ANXA8: variants seen among roughly 807,000 people sequenced by gnomAD.
The protein encoded by ANXA8 is VAC-beta.
ANXA8 carries 9 observed loss-of-function variants against 26.8 expected under a neutral mutation model. The ratio of observed to expected loss-of-function variants is 0.34; its 90% CI spans 0.20 to 0.59. The LOEUF (loss-of-function observed/expected upper bound fraction) is 0.59, where lower values mean the gene tolerates loss of function less well. Ranked by LOEUF, ANXA8 falls within the 20% of genes least tolerant of loss-of-function variation. The probability of loss-of-function intolerance (pLI) is 0.84; values close to 1 mark genes in which losing one functional copy is unlikely to be tolerated. For missense variants in ANXA8, 83 were observed against 238.5 expected (o/e 0.35, Z 4.29); for synonymous variants, 39 against 94.8 (o/e 0.41, Z 3.42).
chr10:47,560,634 C>A, the ANXA8 span, among the ~76,000 whole-genome samples: 1 of 152,008 alleles, frequency 6.6e-6, no homozygotes, highest in Non-Finnish European at 1.5e-5. Context: ...ATGTTCCTCG[C>A]AGTTGTGACG....
the ANXA8 span, among the ~76,000 whole-genome samples, chr10:47,572,782 T>C: frequency 6.7e-6 from 1 of 149,544 alleles, no homozygotes; most frequent in Non-Finnish European, 1.5e-5. Flanking sequence ...TTGTAATCTG[T>C]GCATCCCAAT....
chr10:47,939,210 G>A, the ANXA8 span, among the ~76,000 whole-genome samples: 1 of 144,116 alleles, frequency 6.9e-6, no homozygotes, highest in Non-Finnish European at 1.5e-5. Context: ...GGCTGAGGCA[G>A]GAGAATCACT....
the ANXA8 span, among the ~76,000 whole-genome samples, chr10:47,650,202 T>C: frequency 7.4e-6 from 1 of 134,790 alleles, no homozygotes; most frequent in African/African-American, 3.2e-5. Flanking sequence ...GGCAAGTCTG[T>C]CTCAAAAAAA....
the ANXA8 span, among the ~76,000 whole-genome samples, chr10:47,558,632 T>A: frequency 6.6e-6 from 1 of 151,084 alleles, no homozygotes; most frequent in South Asian, 2.1e-4. Context: ...CAAGTTCTCC[T>A]GCCTCAGCCT....
the ANXA8 span, among the ~76,000 whole-genome samples, chr10:47,701,654 G>T: frequency 6.6e-6 from 1 of 151,674 alleles, no homozygotes; most frequent in Non-Finnish European, 1.5e-5. Context: ...GGAGGAATAA[G>T]AAAATACCTC....
At chr10:47,883,178 C>T in the ANXA8 span, among the ~76,000 whole-genome samples, 468 of 1,166 alleles carry the variant, frequency 0.4, 58 homozygotes, top group Non-Finnish European at 0.45. Flanking sequence ...TAGGTCCTGG[C>T]CAGGAGTACA....
chr10:47,979,382 A>G, the ANXA8 span, among the ~76,000 whole-genome samples: 1 of 151,624 alleles, frequency 6.6e-6, no homozygotes, highest in Admixed American at 6.6e-5. Context: ...ATATGTGTAT[A>G]TGGAATGTTC....
chr10:47,754,963 CTTT>C, the ANXA8 span, among the ~76,000 whole-genome samples: 30 of 74,956 alleles, frequency 4.0e-4, no homozygotes, highest in South Asian at 4.1e-3. Context: ...CTTTTCTTTT[CTTT>C]TTTTTTTTTT....
chr10:47,639,298 A>AATT, the ANXA8 span, among the ~76,000 whole-genome samples: 392 of 74,040 alleles, frequency 5.3e-3, no homozygotes, highest in Middle Eastern at 8.1e-3. Context: ...ACGCCCGGCT[A>AATT]ATTATTATTA....
chr10:47,469,421 C>T (rs1223350000), intron 11 of ANXA8, among the ~76,000 whole-genome samples: 191 of 149,106 alleles, frequency 1.3e-3, no homozygotes, highest in African/African-American at 4.6e-3. Flanking sequence ...GAAATGAGAT[C>T]AATGCTGTGC....
chr10:47,950,326 C>G, the ANXA8 span, among the ~76,000 whole-genome samples: 3 of 152,124 alleles, frequency 2.0e-5, no homozygotes, highest in Non-Finnish European at 4.4e-5. Context: ...TTCTCAGTAA[C>G]TTATAGAACA....
At chr10:47,770,016 G>A in the ANXA8 span, among the ~76,000 whole-genome samples, 1 of 151,438 alleles carries the variant, frequency 6.6e-6, no homozygotes, top group African/African-American at 2.4e-5. Context: ...GGCAAGAAAG[G>A]GAACAAGAAA....
the ANXA8 span, among the ~76,000 whole-genome samples, chr10:47,651,569 C>T: frequency 2.0e-5 from 3 of 150,208 alleles, no homozygotes; most frequent in East Asian, 2.0e-4. Context: ...TGGGAACAAC[C>T]TAAATGTAGA....
chr10:47,622,774 A>G, the ANXA8 span, among the ~76,000 whole-genome samples: 23 of 107,508 alleles, frequency 2.1e-4, 7 homozygotes, highest in Middle Eastern at 0.013. Context: ...ACTTTCTTAT[A>G]TTGCATTACA....
At chr10:47,553,197 A>ATTCG in the ANXA8 span, 2 of 151,930 alleles carry the variant, frequency 1.3e-5, no homozygotes, top group African/African-American at 4.8e-5. Context: ...GGGTCAACAG[A>ATTCG]TTCGGCTCAG....
the ANXA8 span, chr10:47,565,067 G>A: frequency 3.2e-3 from 2,462 of 769,414 alleles, 23 homozygotes; most frequent in Non-Finnish European, 5.0e-3. Context: ...CATGTCCTCC[G>A]AAGACGCCTA....
the ANXA8 span, chr10:47,502,351 C>T: frequency 2.3e-5 from 37 of 1,607,250 alleles, no homozygotes; most frequent in African/African-American, 1.2e-4. Flanking sequence ...AGTGGTGGCC[C>T]GCAGCAGCTG....
At chr10:47,943,997 G>A in the ANXA8 span, among the ~76,000 whole-genome samples, 27 of 147,878 alleles carry the variant, frequency 1.8e-4, 5 homozygotes, top group East Asian at 5.6e-3. Context: ...TGGCTCCTGG[G>A]CACTCACTCA....
chr10:47,686,898 A>G, the ANXA8 span, among the ~76,000 whole-genome samples: 3 of 151,014 alleles, frequency 2.0e-5, no homozygotes, highest in Middle Eastern at 3.4e-3. Context: ...AATGAGATGT[A>G]AGAAACAACA....
Sources: gnomAD v4.1 joint callset for allele counts (sites outside exome capture counted in the v4.1 genomes callset) on GRCh38, gnomAD v4.1.1 for gene constraint, MANE v1.5 for transcripts, NCBI Gene and HGNC (gene_info 2026-07-23, HGNC 2026-07-21) for gene names.